Variants in STON2 observed in about 807,000 individuals in gnomAD.
STON2 encodes stonin 2.
A neutral mutation model predicts 65.7 loss-of-function variants in STON2; 29 were observed. That is an observed-to-expected ratio of 0.44 (90% CI 0.33 to 0.60). STON2 has a LOEUF of 0.60. STON2 is among the 20% of genes least tolerant of loss of function. STON2 has a pLI of 0.03. For missense variants in STON2, 1,054 were observed against 1,118.1 expected, an observed-to-expected ratio of 0.94 and a Z score of 0.82; for synonymous variants, 404 against 414.2, an observed-to-expected ratio of 0.98 and a Z score of 0.30.
Position 81,262,380 on chromosome 14 carries a change from G to A in STON2, c.*6034C>T. The stretch of plus-strand genomic sequence containing the variant: ...GCTAACACAGCACCTGACCAGAGTA[G>A]ACATTTGATAAATATTTGTTGAGTT... On this transcript the variant is annotated 3_prime_UTR_variant, in exon 8 of 8. Coordinates refer to ENST00000614646, the MANE Select transcript of STON2 (RefSeq NM_001394390.1). The A allele has an allele frequency of 1.0e-6, 1 of 985,298 alleles. No homozygotes were observed. The allele number at this position is 985,298 out of a possible 1,614,324, so 61.0% of individuals were successfully genotyped here.
exon 2 of STON2, chr14:81,427,164 G>A (rs1902018441): frequency 1.3e-5 from 2 of 152,110 alleles, no homozygotes; most frequent in South Asian, 2.1e-4. Context: ...TAACCACTTC[G>A]CCCTGCTCCA....
At chr14:81,296,979 A>G (rs1895786484) in intron 5 of STON2, among the ~76,000 whole-genome samples, 1 of 152,198 alleles carries the variant, frequency 6.6e-6, no homozygotes, top group Non-Finnish European at 1.5e-5. Flanking sequence ...AAGGAAAAAG[A>G]TCTTTATGGT....
intron 5 of STON2, among the ~76,000 whole-genome samples, chr14:81,319,607 T>C (rs764707845): frequency 3.9e-5 from 6 of 151,904 alleles, no homozygotes; most frequent in Non-Finnish European, 7.3e-5. Flanking sequence ...ATAGATGAAC[T>C]GGAATCACTG....
In STON2 at chr14:81,277,994, G is replaced by A. The variant is rs940419688; in HGVS notation, c.1488C>T (p.Asn496=). 64 of 1,614,070 alleles carry A rather than the reference G, an allele frequency of 4.0e-5. No individual in the cohort carries two copies. Among genetic ancestry groups the A allele is most frequent in the Non-Finnish European group, 5.3e-5 (62 of 1,180,040 alleles). ...PMMLRIPEKK[N]IMSSRHWGPI... ...GTCCCCAGTGCCTGGAGGACATGAT[G>A]TTTTTCTTCTCAGGGATCCTCAACA... is the stretch of plus-strand genomic sequence containing the variant. Residue 496 remains asparagine, a synonymous_variant, in exon 6 of 8, where the codon AAC becomes AAT. Transcript: ENST00000614646.
intron 4 of STON2, among the ~76,000 whole-genome samples, chr14:81,335,049 A>G (rs1317607939): frequency 6.6e-6 from 1 of 150,464 alleles, no homozygotes; most frequent in Non-Finnish European, 1.5e-5. Context: ...GTGTGTGTGT[A>G]TAGACAGGGT....
intron 5 of STON2, among the ~76,000 whole-genome samples, chr14:81,285,846 G>C (rs897578412): frequency 8.5e-5 from 13 of 152,104 alleles, no homozygotes; most frequent in African/African-American, 3.1e-4. Flanking sequence ...TGTACCTGCT[G>C]AATCTAAAAT....
At chr14:81,386,244 T>C (rs1899797217) in intron 3 of STON2, among the ~76,000 whole-genome samples, 1 of 152,200 alleles carries the variant, frequency 6.6e-6, no homozygotes, top group South Asian at 2.1e-4. Flanking sequence ...AAGCCTCTTC[T>C]GTTGCAGGGG....
intron 6 of STON2, among the ~76,000 whole-genome samples, chr14:81,274,406 A>T (rs915444947): frequency 6.6e-6 from 1 of 152,200 alleles, no homozygotes; most frequent in Non-Finnish European, 1.5e-5. Context: ...AGCTGCATTT[A>T]CTTGCCCTTG....
intron 5 of STON2, among the ~76,000 whole-genome samples, chr14:81,287,286 G>C (rs1190142889): frequency 6.6e-6 from 1 of 152,126 alleles, no homozygotes; most frequent in Non-Finnish European, 1.5e-5. Flanking sequence ...CAAATGATAC[G>C]TACTAATGAT....
chr14:81,372,111 A>G (rs1317888629), intron 3 of STON2, among the ~76,000 whole-genome samples: 1 of 152,224 alleles, frequency 6.6e-6, no homozygotes, highest in Non-Finnish European at 1.5e-5. Flanking sequence ...ACTTGGCTTT[A>G]TCTCCTTAGT....
In STON2 at chr14:81,264,398, C is replaced by G; in HGVS notation, c.*4016G>C. ...TTAAGTAGCCTTCGAGTCTCAGGGT[C>G]AGTATTCTTTCAGCAAACATTTATT... On this transcript the variant is annotated 3_prime_UTR_variant, in exon 8 of 8. Transcript: ENST00000614646. The G allele has an allele frequency of 2.0e-6, 2 of 985,430 alleles. No homozygotes were observed. The highest frequency in any genetic ancestry group is 9.4e-5 in the South Asian group (2 of 21,294). The allele number at this position is 985,430 out of a possible 1,614,324, so 61.0% of individuals were successfully genotyped here.
chr14:81,333,997 A>T (rs889806471), intron 4 of STON2, among the ~76,000 whole-genome samples: 10 of 152,200 alleles, frequency 6.6e-5, no homozygotes, highest in Non-Finnish European at 8.8e-5. Context: ...TCTGCTCTAA[A>T]GCCAAGAGGC....
intron 5 of STON2, among the ~76,000 whole-genome samples, chr14:81,279,236 A>T (rs1205740209): frequency 1.3e-5 from 2 of 152,242 alleles, no homozygotes; most frequent in Non-Finnish European, 2.9e-5. Context: ...TAAATATTAA[A>T]GACAAACAGT....
chr14:81,317,148 G>T (rs776475905), intron 5 of STON2, among the ~76,000 whole-genome samples: 1 of 152,184 alleles, frequency 6.6e-6, no homozygotes, highest in African/African-American at 2.4e-5. Context: ...GAAGGTGAAG[G>T]GGGAGAAGGC....
intron 3 of STON2, among the ~76,000 whole-genome samples, chr14:81,371,748 AG>A (rs1899010759): frequency 1.3e-5 from 2 of 152,078 alleles, no homozygotes; most frequent in African/African-American, 4.8e-5. Flanking sequence ...ATCTCACTAA[AG>A]GAACACAAGT....
intron 1 of STON2, among the ~76,000 whole-genome samples, chr14:81,399,332 TAATG>T (rs1380438140): frequency 6.6e-6 from 1 of 151,836 alleles, no homozygotes; most frequent in Non-Finnish European, 1.5e-5. Context: ...TAATGATTTA[TAATG>T]AATTAATAAA....
chr14:81,311,284 AATC>A (rs1896416584), intron 5 of STON2, among the ~76,000 whole-genome samples: 1 of 152,168 alleles, frequency 6.6e-6, no homozygotes, highest in Non-Finnish European at 1.5e-5. Context: ...ATTCCTGCCT[AATC>A]ATCTCTGCTT....
At chr14:81,356,112 C>T (rs1367826964) in intron 4 of STON2, among the ~76,000 whole-genome samples, 4 of 152,148 alleles carry the variant, frequency 2.6e-5, no homozygotes, top group Non-Finnish European at 2.9e-5. Context: ...GCTTCCAGTT[C>T]TTGCCCATTC....
chr14:81,266,066 C>T lies in STON2; in HGVS notation c.*2348G>A. 1.0e-6 allele frequency: 1 copy of T among 985,334 alleles called. No homozygotes were observed. The allele number at this position is 985,334 out of a possible 1,614,324, so 61.0% of individuals were successfully genotyped here. On this transcript the variant is annotated 3_prime_UTR_variant, in exon 8 of 8. Coordinates refer to ENST00000614646, the MANE Select transcript of STON2 (RefSeq NM_001394390.1). ...AGGAACTCCACTGTATTTCAAAGAGCATGAAAAACCACTTATGAAGAAAAA... is the reference window on the plus strand; with the variant it reads ...AGGAACTCCACTGTATTTCAAAGAGTATGAAAAACCACTTATGAAGAAAAA...
Sources: gnomAD v4.1 joint callset for allele counts (sites outside exome capture counted in the v4.1 genomes callset) on GRCh38, gnomAD v4.1.1 for gene constraint, MANE v1.5 for transcripts, NCBI Gene and HGNC (gene_info 2026-07-23, HGNC 2026-07-21) for gene names.